C14orf39: variants seen among roughly 807,000 people sequenced by gnomAD.
The protein encoded by C14orf39 is chromosome 14 open reading frame 39, also known as protein SIX6OS1.
C14orf39 carries 66 observed loss-of-function variants against 85.6 expected under a neutral mutation model. The ratio of observed to expected loss-of-function variants is 0.77; its 90% confidence interval spans 0.63 to 0.95. The LOEUF is 0.95. Ranked by LOEUF, C14orf39 falls within the 40% of genes least tolerant of loss-of-function variation. The pLI is 0.00. For missense variants in C14orf39, 735 were observed against 663.9 expected, an observed-to-expected ratio of 1.11 and a Z score of -1.18; for synonymous variants, 242 against 214.0, an observed-to-expected ratio of 1.13 and a Z score of -1.14.
intron 11 of C14orf39, among the ~76,000 whole-genome samples, chr14:60,462,735 C>T (rs1891588763): frequency 1.3e-5 from 2 of 152,064 alleles, no homozygotes. Context: ...GACTGCGGCC[C>T]AACACAAATT....
chr14:60,503,653 CTAAT>C (rs1893172068), intron 1 of C14orf39, among the ~76,000 whole-genome samples: 1 of 152,146 alleles, frequency 6.6e-6, no homozygotes, highest in South Asian at 2.1e-4. Flanking sequence ...CTCTGTCCCA[CTAAT>C]TATTCAAAGA....
At chr14:60,503,897 C>T (rs1456781686) in intron 1 of C14orf39, among the ~76,000 whole-genome samples, 2 of 152,148 alleles carry the variant, frequency 1.3e-5, no homozygotes, top group African/African-American at 2.4e-5. Context: ...CAAATTTTAG[C>T]AGGTTTTGTA....
chr14:60,508,471 C>G (rs1566690463), intron 1 of C14orf39, among the ~76,000 whole-genome samples: 1 of 152,120 alleles, frequency 6.6e-6, no homozygotes. Context: ...TCTGCATCTG[C>G]GTTATCAGAC....
chr14:60,511,103 T>A (rs762371105), intron 1 of C14orf39: 1 of 1,612,804 alleles, frequency 6.2e-7, no homozygotes, highest in South Asian at 1.1e-5. Context: ...GCAGGTCCTG[T>A]CACAGGGTTC....
chr14:60,442,115 G>C lies in C14orf39; in HGVS notation c.1520C>G (p.Ser507Cys). The change falls in exon 17 of 18, where the codon TCT (serine) becomes TGT (cysteine). Residue 507 changes from serine (S) to cysteine (C), a missense_variant. Ser to Cys is a moderately radical substitution (Grantham distance 112). Coordinates refer to ENST00000321731, the MANE Select transcript of C14orf39 (RefSeq NM_174978.3). ...TGACAGAGGATTTAGATTTCTTGCA[G>C]AATAATGTTCATTAAACTGGAAAAT... ...ISSDQFNEHYSARNLNPLSSE... is the reference protein window; with the variant it reads ...ISSDQFNEHYCARNLNPLSSE... 6.2e-7 allele frequency: 1 copy of C among 1,608,398 alleles called. No homozygotes were observed. Among genetic ancestry groups the C allele is most frequent in the South Asian group, 1.1e-5 (1 of 90,706 alleles).
rs1469070595 is a variant in C14orf39, at chr14:60,458,681, T to G, written c.1176A>C (p.Ser392=). 7 of 1,598,398 alleles carry G rather than the reference T, an allele frequency of 4.4e-6. No individual in the cohort carries two copies. The highest frequency in any genetic ancestry group is 1.3e-5 in the African/African-American group (1 of 74,458). The part of the protein sequence containing the change: ...VRQVRESKCT[S]QAIYTEHFGK... ...AGAGATCAAACATTTGACTTACTTG[T>G]GAAGTACATTTTGATTCTCTTACTT... is the stretch of plus-strand genomic sequence containing the variant. Residue 392 remains serine, a synonymous_variant, in exon 14 of 18, where the codon TCA becomes TCC. Transcript: ENST00000321731.
At chr14:60,504,738 A>T (rs756893395) in intron 1 of C14orf39, among the ~76,000 whole-genome samples, 2 of 152,254 alleles carry the variant, frequency 1.3e-5, no homozygotes, top group African/African-American at 4.8e-5. Flanking sequence ...AAAGAAGTAG[A>T]CAAGAGAAAA....
chr14:60,485,118 T>C (rs755709880), intron 1 of C14orf39, 32 bp from the exon 2 acceptor site: 4 of 1,554,458 alleles, frequency 2.6e-6, no homozygotes. Flanking sequence ...ATTATAAGAT[T>C]TTCTGAAGTC....
intron 17 of C14orf39, among the ~76,000 whole-genome samples, chr14:60,439,973 G>T (rs1020086865): frequency 8.5e-5 from 13 of 152,158 alleles, no homozygotes; most frequent in Non-Finnish European, 1.9e-4. Flanking sequence ...TACTCGGGAG[G>T]CTGAGGCAGG....
intron 3 of C14orf39, 128 bp from the exon 4 acceptor site, chr14:60,483,945 G>A (rs1892763019): frequency 1.6e-6 from 1 of 611,986 alleles, no homozygotes; most frequent in African/African-American, 1.9e-5. Flanking sequence ...AGGAAACGAG[G>A]CTTGAGATGG....
At chr14:60,486,592 C>G (rs1248362090), upstream of C14orf39, among the ~76,000 whole-genome samples, 1 of 152,166 alleles carries the variant, frequency 6.6e-6, no homozygotes, top group African/African-American at 2.4e-5. Flanking sequence ...AATTTATGCT[C>G]TTAGGCTTTG....
upstream of C14orf39, among the ~76,000 whole-genome samples, chr14:60,489,821 CA>C (rs1178928777): frequency 6.6e-6 from 1 of 152,164 alleles, no homozygotes; most frequent in Non-Finnish European, 1.5e-5. Flanking sequence ...GAGTCAACAT[CA>C]TATTTCTCTC....
At chr14:60,443,528 A>G (rs1389151660) in intron 16 of C14orf39, among the ~76,000 whole-genome samples, 1 of 152,194 alleles carries the variant, frequency 6.6e-6, no homozygotes, top group Non-Finnish European at 1.5e-5. Context: ...GGAAGCTTGA[A>G]CTGGGGGAGC....
At chr14:60,481,492 AT>A (rs976220095) in intron 4 of C14orf39, among the ~76,000 whole-genome samples, 14 of 151,302 alleles carry the variant, frequency 9.3e-5, no homozygotes, top group Admixed American at 2.6e-4. Flanking sequence ...CTCCATCTCT[AT>A]TTTTTTTTAA....
At chr14:60,442,222 AAC>A in intron 16 of C14orf39, 91 bp from the exon 17 acceptor site, 1 of 768,030 alleles carries the variant, frequency 1.3e-6, no homozygotes. Context: ...TAGTTCTTCT[AAC>A]ACACAGAATT....
chr14:60,455,692 G>A (rs970113516), intron 15 of C14orf39, among the ~76,000 whole-genome samples: 14 of 152,082 alleles, frequency 9.2e-5, no homozygotes, highest in Admixed American at 6.6e-5. Flanking sequence ...GAGCCAGAAC[G>A]GCCTGGGCTT....
At chr14:60,453,682 A>G (rs960171277) in intron 16 of C14orf39, among the ~76,000 whole-genome samples, 1 of 151,422 alleles carries the variant, frequency 6.6e-6, no homozygotes, top group Non-Finnish European at 1.5e-5. Flanking sequence ...TTTATCATCA[A>G]TCTTATTTTT....
chr14:60,439,150 C>G (rs138052924), intron 17 of C14orf39, among the ~76,000 whole-genome samples: 52 of 152,250 alleles, frequency 3.4e-4, no homozygotes, highest in African/African-American at 1.2e-3. Context: ...ATGCAGGTAT[C>G]AAAATATCAC....
chr14:60,508,805 C>G (rs1893243180), intron 1 of C14orf39: 1 of 156,632 alleles, frequency 6.4e-6, no homozygotes, highest in Non-Finnish European at 1.4e-5. Flanking sequence ...GACCTCTCGA[C>G]CGAGACAACG....
Sources: gnomAD v4.1 joint callset for allele counts (sites outside exome capture counted in the v4.1 genomes callset) on GRCh38, gnomAD v4.1.1 for gene constraint, MANE v1.5 for transcripts, NCBI Gene and HGNC (gene_info 2026-07-23, HGNC 2026-07-21) for gene names.